Variants in DSCAML1 observed in about 807,000 individuals in gnomAD.
The protein encoded by DSCAML1 is DS cell adhesion molecule like 1, also known as cell adhesion molecule DSCAML1.
In DSCAML1, 38 loss-of-function variants were observed where a neutral mutation model predicts 200.5. The ratio of observed to expected loss-of-function variants is 0.19; its 90% CI spans 0.15 to 0.25. The LOEUF (loss-of-function observed/expected upper bound fraction) is 0.25, where lower values mean the gene tolerates loss of function less well. Ranked by LOEUF, DSCAML1 falls within the 10% of genes least tolerant of loss-of-function variation. The pLI is 1.00. For missense variants in DSCAML1, 2,223 were observed against 2,858.8 expected (o/e 0.78, Z 5.07); for synonymous variants, 1,215 against 1,165.0 (o/e 1.04, Z -0.87).
intron 21 of DSCAML1, among the ~76,000 whole-genome samples, chr11:117,443,232 C>T (rs73018334): frequency 6.6e-6 from 1 of 152,166 alleles, no homozygotes; most frequent in Non-Finnish European, 1.5e-5. Flanking sequence ...CTCAGCCTTG[C>T]AGCTCTACCT....
chr11:117,554,942 C>A (rs551305757), intron 3 of DSCAML1, among the ~76,000 whole-genome samples: 45 of 152,330 alleles, frequency 3.0e-4, no homozygotes, highest in Admixed American at 2.3e-3. Flanking sequence ...AAACTCATCC[C>A]CTCTGACTGC....
chr11:117,811,814 C>A (rs985004727), intron 1 of DSCAML1, among the ~76,000 whole-genome samples: 1 of 152,206 alleles, frequency 6.6e-6, no homozygotes, highest in Non-Finnish European at 1.5e-5. Flanking sequence ...GTAACTCTCA[C>A]AGTGGAGTGT....
chr11:117,762,239 T>G (rs1474673332), intron 3 of DSCAML1, among the ~76,000 whole-genome samples: 2 of 152,234 alleles, frequency 1.3e-5, no homozygotes, highest in African/African-American at 4.8e-5. Context: ...GTGATTGTTT[T>G]ATTTATCTCG....
exon 1 of DSCAML1, chr11:117,817,437 G>A (rs987205876): frequency 2.0e-5 from 3 of 152,286 alleles, no homozygotes; most frequent in African/African-American, 7.2e-5. Flanking sequence ...AGTTCACCTG[G>A]GGAGGCTGAA....
chr11:117,756,485 A>T (rs189801504), intron 3 of DSCAML1, among the ~76,000 whole-genome samples: 1 of 152,298 alleles, frequency 6.6e-6, no homozygotes, highest in East Asian at 1.9e-4. Context: ...TGAGAATACA[A>T]ATCTTCCTGC....
intron 32 of DSCAML1, among the ~76,000 whole-genome samples, chr11:117,430,026 A>C (rs1436757283): frequency 6.6e-6 from 1 of 152,166 alleles, no homozygotes; most frequent in Non-Finnish European, 1.5e-5. Flanking sequence ...CCCCTGCCTC[A>C]ATTAGCATGG....
At chr11:117,495,341 C>A (rs538175459) in intron 11 of DSCAML1, among the ~76,000 whole-genome samples, 13 of 152,134 alleles carry the variant, frequency 8.5e-5, no homozygotes, top group Non-Finnish European at 1.8e-4. Context: ...ATGAACAGTG[C>A]CAGGGCTGAA....
chr11:117,485,157 C>T lies in DSCAML1; in HGVS notation c.2360-2995G>A, dbSNP rs1400658100. The stretch of plus-strand genomic sequence containing the variant: ...GGACCATGTTTCAGACCCCATTCAC[C>T]CCTGAGGCTATGTACTTTTGAGCAG... On this transcript the variant is annotated intron_variant, in intron 11 of 32. Transcript: ENST00000651296. 2.0e-5 allele frequency among the ~76,000 whole-genome samples: 3 copies of T among 152,154 alleles called. No individual in the cohort carries two copies. In the East Asian group the frequency reaches 5.8e-4, roughly 29 times the overall value.
At chr11:117,725,856 T>C (rs946133389) in intron 3 of DSCAML1, among the ~76,000 whole-genome samples, 1 of 149,180 alleles carries the variant, frequency 6.7e-6, no homozygotes, top group African/African-American at 2.5e-5. Flanking sequence ...AACAAAAAGG[T>C]AGGGAGGCAG....
intron 3 of DSCAML1, among the ~76,000 whole-genome samples, chr11:117,763,917 C>T (rs975053092): frequency 9.2e-5 from 14 of 152,152 alleles, no homozygotes; most frequent in African/African-American, 2.9e-4. Context: ...GGGGGAGGTG[C>T]CATTTCCTAC....
intron 19 of DSCAML1, among the ~76,000 whole-genome samples, chr11:117,451,796 C>T (rs893498484): frequency 3.6e-5 from 5 of 139,028 alleles, no homozygotes; most frequent in Non-Finnish European, 7.7e-5. Context: ...GCCAGGGCAA[C>T]AGAGCAAGAC....
At chr11:117,464,022 G>A (rs1415717763) in intron 17 of DSCAML1, among the ~76,000 whole-genome samples, 1 of 152,208 alleles carries the variant, frequency 6.6e-6, no homozygotes, top group Admixed American at 6.5e-5. Context: ...GCTAGGAGGA[G>A]GACATTGCTT....
At chr11:117,551,788 C>A (rs915706679) in intron 3 of DSCAML1, among the ~76,000 whole-genome samples, 1 of 140,402 alleles carries the variant, frequency 7.1e-6, no homozygotes, top group Non-Finnish European at 1.6e-5. Context: ...GGTGGCCTGG[C>A]GGCTGTGGGG....
chr11:117,688,632 TC>T (rs1277638303), intron 3 of DSCAML1, among the ~76,000 whole-genome samples: 2 of 151,888 alleles, frequency 1.3e-5, no homozygotes, highest in African/African-American at 4.8e-5. Context: ...CTTGGGCAGG[TC>T]CCCCAGCCTC....
intron 3 of DSCAML1, among the ~76,000 whole-genome samples, chr11:117,723,921 A>G (rs148854691): frequency 6.6e-6 from 1 of 152,212 alleles, no homozygotes; most frequent in East Asian, 1.9e-4. Flanking sequence ...GCATTTGCCC[A>G]GGTTTTTATT....
chr11:117,569,735 T>G (rs1426699945), intron 3 of DSCAML1, among the ~76,000 whole-genome samples: 1 of 152,226 alleles, frequency 6.6e-6, no homozygotes, highest in African/African-American at 2.4e-5. Flanking sequence ...GGCTTGTGAA[T>G]GCAGCTCAGT....
chr11:117,503,884 C>A lies in DSCAML1; in HGVS notation c.2320G>T (p.Gly774Cys), dbSNP rs2049443286. The change falls in exon 11 of 33, where the codon GGC (glycine) becomes TGC (cysteine). Residue 774 changes from glycine (G) to cysteine (C), a missense_variant. Physicochemically the swap from Gly to Cys is radical, Grantham distance 159. Coordinates refer to ENST00000651296, the MANE Select transcript of DSCAML1 (RefSeq NM_020693.4). The surrounding 1 kb of genome is among the most constrained non-coding windows in gnomAD (Gnocchi z 5.2). ...AACATGGACTTGCTGATGTCGGTGCCTACGCCGTTGCTGGCCTGGCAGAGG... is the reference window on the plus strand; with the variant it reads ...AACATGGACTTGCTGATGTCGGTGCATACGCCGTTGCTGGCCTGGCAGAGG... ...YYLCQASNGV[G>C]TDISKSMFLT... is the part of the protein sequence containing the mutation. The A allele has an allele frequency of 6.2e-7, 1 of 1,614,046 alleles. No individual in the cohort carries two copies. The highest frequency in any genetic ancestry group is 8.5e-7 in the Non-Finnish European group (1 of 1,180,040).
At chr11:117,606,983 A>G (rs919095270) in intron 3 of DSCAML1, among the ~76,000 whole-genome samples, 1 of 152,220 alleles carries the variant, frequency 6.6e-6, no homozygotes, top group African/African-American at 2.4e-5. Context: ...AGAATGAGGA[A>G]CTGACAAAAT....
intron 3 of DSCAML1, among the ~76,000 whole-genome samples, chr11:117,610,850 C>CCG: frequency 6.7e-6 from 1 of 149,422 alleles, no homozygotes; most frequent in East Asian, 2.0e-4. Context: ...ACCCCCCCCC[C>CCG]CCACAATGTG....
Sources: allele counts gnomAD v4.1 joint callset (sites outside exome capture counted in the v4.1 genomes callset), GRCh38; gene constraint gnomAD v4.1.1; non-coding constraint Gnocchi (gnomAD v3.1); transcripts MANE v1.5; gene names NCBI Gene and HGNC (gene_info 2026-07-23, HGNC 2026-07-21).